Variants in TCF7L1 observed in about 807,000 individuals in gnomAD.
The protein encoded by TCF7L1 is transcription factor 7 like 1, also known as transcription factor 7-like 1.
TCF7L1 carries 18 observed loss-of-function variants against 63.7 expected under a neutral mutation model. That is an observed-to-expected ratio of 0.28 (90% confidence interval 0.20 to 0.42). The LOEUF is 0.42. TCF7L1 is among the 10% of genes least tolerant of loss of function. TCF7L1 has a pLI of 1.00. For synonymous variants in TCF7L1, 355 were observed against 340.9 expected (o/e 1.04, Z -0.46); for missense variants, 654 against 779.3 (o/e 0.84, Z 1.91).
chr2:85,249,821 C>T lies in TCF7L1; in HGVS notation c.442-33674C>T, dbSNP rs1454363045. On this transcript the variant is annotated intron_variant, in intron 3 of 11. Coordinates refer to ENST00000282111, the MANE Select transcript of TCF7L1 (RefSeq NM_031283.3). ...AAGCCCTCAGTTCTGGGTCTGGAAG[C>T]ATCATCAGTTGCAGCCATGAGCAAG... 2.0e-5 allele frequency among the ~76,000 whole-genome samples: 3 copies of T among 152,310 alleles called. No homozygotes were observed. The East Asian group carries it at 5.8e-4, about 29-fold the overall frequency.
At chr2:85,304,119 C>G in intron 6 of TCF7L1, 122 bp downstream of exon 6, 11 of 1,186,988 alleles carry the variant, frequency 9.3e-6, no homozygotes, top group Non-Finnish European at 1.3e-5. Context: ...GGCCTCCCTG[C>G]CCCCGCCCAG....
intron 3 of TCF7L1, among the ~76,000 whole-genome samples, chr2:85,266,750 A>G (rs1031898136): frequency 3.9e-5 from 6 of 152,240 alleles, no homozygotes; most frequent in African/African-American, 1.2e-4. Context: ...GTTGTGTTTT[A>G]TGACTTCTCA....
chr2:85,256,691 C>T (rs1165446797), intron 3 of TCF7L1, among the ~76,000 whole-genome samples: 1 of 152,146 alleles, frequency 6.6e-6, no homozygotes, highest in Admixed American at 6.5e-5. Flanking sequence ...CTGGTGGTTA[C>T]ATTGATATTT....
At chr2:85,239,462 A>T (rs1274359262) in intron 3 of TCF7L1, among the ~76,000 whole-genome samples, 2 of 151,402 alleles carry the variant, frequency 1.3e-5, no homozygotes, top group African/African-American at 2.4e-5. Flanking sequence ...CTATGTGCAA[A>T]CTCTTCCCAA....
At chr2:85,160,888 CAGA>C (rs999623224) in intron 3 of TCF7L1, among the ~76,000 whole-genome samples, 3 of 152,084 alleles carry the variant, frequency 2.0e-5, no homozygotes, top group Non-Finnish European at 2.9e-5. Context: ...AGTTTTGTTC[CAGA>C]AGATCATTTG....
chr2:85,152,095 G>T (rs535206380), intron 3 of TCF7L1, among the ~76,000 whole-genome samples: 1 of 152,284 alleles, frequency 6.6e-6, no homozygotes, highest in South Asian at 2.1e-4. Context: ...GCCTCTTCAG[G>T]CTGGCTTCTG....
At chr2:85,308,994 A>C in intron 11 of TCF7L1, 35 bp from the exon 12 acceptor site, 1 of 1,551,608 alleles carries the variant, frequency 6.4e-7, no homozygotes, top group Non-Finnish European at 8.7e-7. Flanking sequence ...TCACAGAGCT[A>C]TAGCTGCTCA....
Position 85,140,939 on chromosome 2 carries a change from C to T in TCF7L1, c.441+6489C>T, listed in dbSNP as rs191117691. ...AGAAGAGAGAAAGAAAAGAGAGTGT[C>T]CTTGGTGTTAGATGCCACAGAGAGA... is the stretch of plus-strand genomic sequence containing the variant. On this transcript the variant is annotated intron_variant, in intron 3 of 11. Transcript: ENST00000282111. Among the ~76,000 whole-genome samples the T allele has an allele frequency of 1.1e-4, 16 of 151,864 alleles. No homozygotes were observed. The East Asian group carries it at 3.1e-3, about 29-fold the overall frequency.
chr2:85,168,161 A>T (rs936381755), intron 3 of TCF7L1, among the ~76,000 whole-genome samples: 2 of 150,878 alleles, frequency 1.3e-5, no homozygotes, highest in African/African-American at 4.9e-5. Context: ...CTTTATTAAG[A>T]GGGTCAATCT....
intron 3 of TCF7L1, among the ~76,000 whole-genome samples, chr2:85,262,922 G>C (rs1680889729): frequency 6.6e-6 from 1 of 152,168 alleles, no homozygotes; most frequent in African/African-American, 2.4e-5. Context: ...CCCAAACTTG[G>C]GCCAGGCCAG....
chr2:85,309,422 A>G lies in TCF7L1; in HGVS notation c.1727A>G (p.Gln576Arg), dbSNP rs567718768. 75 of 1,559,680 alleles carry G rather than the reference A, an allele frequency of 4.8e-5. No homozygotes were observed. The South Asian group carries it at 8.4e-4, about 17-fold the overall frequency. ...LHAHQALPVLQAQPLSLVTKS... is the reference protein window; with the variant it reads ...LHAHQALPVLRAQPLSLVTKS... ...GCCCACCAGGCCCTCCCGGTGCTACAGGCCCAGCCTCTTTCCCTGGTCACC... is the reference window on the plus strand; with the variant it reads ...GCCCACCAGGCCCTCCCGGTGCTACGGGCCCAGCCTCTTTCCCTGGTCACC... Residue 576 changes from glutamine to arginine, a missense_variant, in exon 12 of 12, where the codon CAG (glutamine) becomes CGG (arginine). Transcript: ENST00000282111.
At chr2:85,179,648 T>C (rs1678755040) in intron 3 of TCF7L1, among the ~76,000 whole-genome samples, 1 of 152,170 alleles carries the variant, frequency 6.6e-6, no homozygotes, top group Non-Finnish European at 1.5e-5. Flanking sequence ...CTCACACCTT[T>C]CACCCCTCAG....
chr2:85,205,885 G>C (rs1176351063), intron 3 of TCF7L1, among the ~76,000 whole-genome samples: 1 of 152,194 alleles, frequency 6.6e-6, no homozygotes, highest in Non-Finnish European at 1.5e-5. Flanking sequence ...TAAAACAGTG[G>C]ACTTGATGGA....
intron 3 of TCF7L1, among the ~76,000 whole-genome samples, chr2:85,205,249 TA>T (rs1463542008): frequency 6.6e-6 from 1 of 152,242 alleles, no homozygotes; most frequent in East Asian, 1.9e-4. Flanking sequence ...AGAATAAAGA[TA>T]TTTTTTAAAA....
chr2:85,232,410 G>A (rs1208076275), intron 3 of TCF7L1, among the ~76,000 whole-genome samples: 2 of 151,890 alleles, frequency 1.3e-5, no homozygotes, highest in Non-Finnish European at 2.9e-5. Context: ...AATACTGATG[G>A]TGCAGCTCCA....
chr2:85,164,643 A>G (rs1050590418), intron 3 of TCF7L1, among the ~76,000 whole-genome samples: 3 of 152,186 alleles, frequency 2.0e-5, no homozygotes, highest in African/African-American at 7.2e-5. Context: ...AAGAAATTAC[A>G]TTTTATTTTC....
chr2:85,205,238 A>G (rs1344572545), intron 3 of TCF7L1, among the ~76,000 whole-genome samples: 3 of 152,246 alleles, frequency 2.0e-5, no homozygotes, highest in Non-Finnish European at 4.4e-5. Flanking sequence ...GAACTTGAAA[A>G]AGAATAAAGA....
chr2:85,281,688 A>C (rs1470495319), intron 3 of TCF7L1, among the ~76,000 whole-genome samples: 2 of 152,064 alleles, frequency 1.3e-5, no homozygotes, highest in Admixed American at 6.5e-5. Context: ...GACTGTCCTA[A>C]TTCATAGGGC....
At position 85,134,527 on chromosome 2, in the gene TCF7L1, G is replaced by C; in HGVS notation, c.441+77G>C. 1 of 1,518,174 alleles carries C rather than the reference G, an allele frequency of 6.6e-7. No homozygotes were observed. The highest frequency in any genetic ancestry group is 1.3e-5 in the South Asian group (1 of 79,122). The allele number at this position is 1,518,174 out of a possible 1,614,324, so 94.0% of individuals were successfully genotyped here. ...ATGCGCCCCCGGGCTTGGCCATGGA[G>C]TGGGGGATGGGGCCTTCTGCGCCGA... is the stretch of plus-strand genomic sequence containing the variant. On this transcript the variant is annotated intron_variant, in intron 3 of 11. Transcript: ENST00000282111. The surrounding 1 kb of genome is among the most constrained non-coding windows in gnomAD (Gnocchi z 5.0).
Sources: allele counts gnomAD v4.1 joint callset (sites outside exome capture counted in the v4.1 genomes callset), GRCh38; gene constraint gnomAD v4.1.1; non-coding constraint Gnocchi (gnomAD v3.1); transcripts MANE v1.5; gene names NCBI Gene and HGNC (gene_info 2026-07-23, HGNC 2026-07-21).